PCDHA8: variants seen among roughly 807,000 people sequenced by gnomAD.
The protein encoded by PCDHA8 is protocadherin alpha-8.
PCDHA8 carries 53 observed loss-of-function variants against 61.8 expected under a neutral mutation model. That is an observed-to-expected ratio of 0.86 (90% confidence interval 0.69 to 1.08). The LOEUF (loss-of-function observed/expected upper bound fraction) is 1.08, where lower values mean the gene tolerates loss of function less well. Ranked by LOEUF, PCDHA8 falls within the 50% of genes least tolerant of loss-of-function variation. The pLI is 0.00. For synonymous variants in PCDHA8, 618 were observed against 556.6 expected (o/e 1.11, Z -1.55); for missense variants, 1,293 against 1,245.0 (o/e 1.04, Z -0.58).
intron 1 of PCDHA8, chr5:140,877,288 T>C (rs782747810): frequency 1.9e-6 from 3 of 1,613,908 alleles, no homozygotes; most frequent in Non-Finnish European, 2.5e-6. Context: ...CTATAACGCT[T>C]GGCTGTCCTA....
chr5:140,905,963 G>A (rs182775194), intron 1 of PCDHA8, among the ~76,000 whole-genome samples: 9 of 152,308 alleles, frequency 5.9e-5, no homozygotes, highest in Admixed American at 5.9e-4. Flanking sequence ...TCAAGGGGAG[G>A]AAGATCCAGC....
At chr5:140,849,995 C>CGA in intron 1 of PCDHA8, 1 of 1,597,088 alleles carries the variant, frequency 6.3e-7, no homozygotes, top group Non-Finnish European at 8.6e-7. Context: ...GGCGGTTGGG[C>CGA]GAGCGCTCGC....
At position 140,946,611 on chromosome 5, in the gene PCDHA8, A is replaced by AATATATATATATATATATATATATAT. The variant is rs1554217734; in HGVS notation, c.2395-32317_2395-32316insTATATATATATATATATATATATATA. Among the ~76,000 whole-genome samples, 847 of 86,186 alleles carry AATATATATATATATATATATATATAT rather than the reference A, an allele frequency of 9.8e-3. 28 individuals carry two copies. The highest frequency in any genetic ancestry group is 0.012 in the Non-Finnish European group (550 of 46,284). The allele number at this position is 86,186 out of a possible 152,430, so 56.5% of individuals were successfully genotyped here. ...GGATGAATAGATAAAGAAAATGTGA[A>AATATATATATATATATATATATATAT]ATATATATATATATATATATACAAT... On this transcript the variant is annotated intron_variant, in intron 1 of 3. Coordinates refer to ENST00000531613, the MANE Select transcript of PCDHA8 (RefSeq NM_018911.3).
intron 1 of PCDHA8, among the ~76,000 whole-genome samples, chr5:140,972,097 T>C (rs1554233843): frequency 1.3e-5 from 2 of 152,196 alleles, no homozygotes; most frequent in South Asian, 2.1e-4. Context: ...ATTTCTGGCA[T>C]AGAAGCAGGT....
chr5:140,882,331 C>T, intron 1 of PCDHA8: 3 of 1,614,214 alleles, frequency 1.9e-6, no homozygotes, highest in South Asian at 2.2e-5. Flanking sequence ...TTCTGATCCT[C>T]GCAGCCTGGG....
At chr5:140,883,021 G>A in intron 1 of PCDHA8, 1 of 1,614,136 alleles carries the variant, frequency 6.2e-7, no homozygotes, top group Non-Finnish European at 8.5e-7. Flanking sequence ...AAGTGACGGT[G>A]TTAGAGAACG....
rs782703183 is a variant in PCDHA8 at position 140,882,765 on chromosome 5, C to A, written c.2394+39050C>A. On this transcript the variant is annotated intron_variant, in intron 1 of 3. Transcript: ENST00000531613. ...TCCGATGCAGATATTGGAGTAAACT[C>A]GGCATTGACCTACCGACTGGATCCC... 1.5e-5 allele frequency: 25 copies of A among 1,614,104 alleles called. No individual in the cohort carries two copies. In the South Asian group the frequency reaches 2.7e-4, roughly 18 times the overall value.
At chr5:140,853,785 C>A in intron 1 of PCDHA8, 1 of 987,514 alleles carries the variant, frequency 1.0e-6, no homozygotes. Flanking sequence ...GTAGTAAGAG[C>A]AAATTTTCAT....
intron 1 of PCDHA8, among the ~76,000 whole-genome samples, chr5:140,957,130 A>G (rs1554222831): frequency 6.6e-6 from 1 of 152,188 alleles, no homozygotes; most frequent in East Asian, 1.9e-4. Context: ...TCTTTACTAC[A>G]CTATGAACTA....
At chr5:140,926,620 C>G in intron 1 of PCDHA8, 1 of 385,534 alleles carries the variant, frequency 2.6e-6, no homozygotes, top group Admixed American at 4.4e-5. Context: ...CACCCCTAGG[C>G]GGCGCTGCGC....
chr5:140,923,242 C>T (rs1302368115), intron 1 of PCDHA8, among the ~76,000 whole-genome samples: 1 of 151,762 alleles, frequency 6.6e-6, no homozygotes, highest in Non-Finnish European at 1.5e-5. Flanking sequence ...AAGTTTGAGA[C>T]CAGCTGGGCA....
chr5:140,968,124 G>A (rs202202452), intron 1 of PCDHA8: 59 of 1,614,008 alleles, frequency 3.7e-5, no homozygotes, highest in Non-Finnish European at 4.7e-5. Flanking sequence ...ACATCCCTGC[G>A]TACACTGAAG....
chr5:141,009,557 C>T (rs782135260), intron 3 of PCDHA8, 70 bp from the exon 4 acceptor site: 38 of 1,565,272 alleles, frequency 2.4e-5, no homozygotes, highest in Non-Finnish European at 2.8e-5. Flanking sequence ...TACTCCTGTA[C>T]TCTACCAGCA....
At chr5:140,922,661 T>C (rs1255153267) in intron 1 of PCDHA8, among the ~76,000 whole-genome samples, 2 of 152,156 alleles carry the variant, frequency 1.3e-5, no homozygotes, top group African/African-American at 4.8e-5. Context: ...ATGGCTATAC[T>C]GCAAGCAGTA....
At chr5:140,870,491 T>C (rs781889223) in intron 1 of PCDHA8, 10 of 1,614,076 alleles carry the variant, frequency 6.2e-6, no homozygotes, top group Non-Finnish European at 8.5e-6. Context: ...ACCGTGTTCG[T>C]GAAGGAGAAC....
Position 140,863,052 on chromosome 5 carries a change from C to A in PCDHA8, c.2394+19337C>A, listed in dbSNP as rs782611491. On this transcript the variant is annotated intron_variant, in intron 1 of 3. Transcript: ENST00000531613. ...CAGCTGCATCTGTCAGCTGGCAGCA[C>A]CCGTTCCACGTGGGGCTCTGCACGG... The A allele has an allele frequency of 3.2e-5, 18 of 562,664 alleles. No individual in the cohort carries two copies. The East Asian group carries it at 8.4e-4, about 26-fold the overall frequency. 34.9% of individuals were successfully genotyped at this position (562,664 alleles called of 1,614,324 possible).
At chr5:140,902,687 T>C (rs552973135) in intron 1 of PCDHA8, among the ~76,000 whole-genome samples, 184 of 152,262 alleles carry the variant, frequency 1.2e-3, no homozygotes, top group African/African-American at 4.2e-3. Context: ...GTACCTAATA[T>C]GTGTAGTCTT....
intron 1 of PCDHA8, chr5:140,876,221 T>C: frequency 1.2e-6 from 2 of 1,613,988 alleles, no homozygotes; most frequent in Non-Finnish European, 1.7e-6. Context: ...TATAAAGTAG[T>C]GTTGTCTGAA....
At chr5:140,962,541 A>AGTT (rs2095690394) in intron 1 of PCDHA8, among the ~76,000 whole-genome samples, 1 of 152,220 alleles carries the variant, frequency 6.6e-6, no homozygotes, top group Non-Finnish European at 1.5e-5. Flanking sequence ...AGAACTAAAA[A>AGTT]TGTAGAGGAT....
Sources: allele counts gnomAD v4.1 joint callset (sites outside exome capture counted in the v4.1 genomes callset), GRCh38; gene constraint gnomAD v4.1.1; transcripts MANE v1.5; gene names NCBI Gene and HGNC (gene_info 2026-07-23, HGNC 2026-07-21).